The following FLNB variants were observed in gnomAD, a reference collection of about 807,000 sequenced individuals.
FLNB encodes filamin-B.
In FLNB, 111 loss-of-function variants were observed where a neutral mutation model predicts 250.6. The ratio of observed to expected loss-of-function variants is 0.44; its 90% CI spans 0.38 to 0.52. The LOEUF is 0.52. FLNB is among the 20% of genes least tolerant of loss of function. FLNB has a pLI of 0.00. For missense variants in FLNB, 2,869 were observed against 3,447.8 expected (o/e 0.83, Z 4.20); for synonymous variants, 1,302 against 1,372.1 (o/e 0.95, Z 1.13).
chr3:58,055,398 A>C (rs548552842), intron 1 of FLNB, among the ~76,000 whole-genome samples: 4 of 152,216 alleles, frequency 2.6e-5, no homozygotes, highest in Non-Finnish European at 5.9e-5. Flanking sequence ...TAAGAGGATA[A>C]CTCGTGGTGG....
intron 16 of FLNB, among the ~76,000 whole-genome samples, chr3:58,111,369 T>C (rs2097268305): frequency 6.6e-6 from 1 of 152,244 alleles, no homozygotes; most frequent in African/African-American, 2.4e-5. Flanking sequence ...CAACATTCTT[T>C]TTGAAGAATT....
At chr3:58,091,638 AT>A (rs2097227672) in intron 4 of FLNB, among the ~76,000 whole-genome samples, 1 of 151,576 alleles carries the variant, frequency 6.6e-6, no homozygotes, top group Non-Finnish European at 1.5e-5. Context: ...TTAAAAAAAA[AT>A]AAGTTGGATT....
Position 58,157,727 on chromosome 3 carries a change from C to T in FLNB, c.6888+1652C>T, listed in dbSNP as rs182564669. ...CTTTCAAATCTGCCGAGGCATTTAT[C>T]TCCCTCTTGAGGATTTAGCGGCAAG... On this transcript the variant is annotated intron_variant, in intron 41 of 45. Coordinates refer to ENST00000295956, the MANE Select transcript of FLNB (RefSeq NM_001457.4). 2.6e-5 allele frequency among the ~76,000 whole-genome samples: 4 copies of T among 152,344 alleles called. No homozygotes were observed. In the East Asian group the frequency reaches 7.7e-4, roughly 29 times the overall value.
chr3:58,089,933 C>A (rs570263583), intron 4 of FLNB, among the ~76,000 whole-genome samples: 45 of 152,118 alleles, frequency 3.0e-4, no homozygotes, highest in African/African-American at 1.1e-3. Context: ...CTTACAGGTG[C>A]CCACCACCAC....
rs575599700 is a variant in FLNB at position 58,103,941 on chromosome 3, T to A, written c.1484-18T>A. 1 of 1,613,946 alleles carries A rather than the reference T, an allele frequency of 6.2e-7. No individual in the cohort carries two copies. The highest frequency in any genetic ancestry group is 1.1e-5 in the South Asian group (1 of 91,082). On this transcript the variant is annotated intron_variant, in intron 9 of 45. Coordinates refer to ENST00000295956, the MANE Select transcript of FLNB (RefSeq NM_001457.4). ...GCCTAGGATTGTGTTGGAAAGATTA[T>A]CTCCTTCCTTCCCACAGAGGGTCTG...
rs2107224769 is a variant in FLNB at position 58,136,080 on chromosome 3, A to G, written c.4773A>G (p.Gly1591=). ...ACAAGACTGGGCGCTATATGATTGG[A>G]GTCACCTACGGGGGTGACGACATCC... ...IPDKTGRYMI[G]VTYGGDDIPL... Residue 1591 remains glycine (G), a synonymous_variant, in exon 28 of 46, where the codon GGA becomes GGG. Transcript: ENST00000295956. 1 of 1,614,186 alleles carries G rather than the reference A, an allele frequency of 6.2e-7. No individual in the cohort carries two copies. The highest frequency in any genetic ancestry group is 8.5e-7 in the Non-Finnish European group (1 of 1,180,014).
intron 1 of FLNB, among the ~76,000 whole-genome samples, chr3:58,034,012 C>T (rs1023815323): frequency 1.3e-5 from 2 of 151,784 alleles, no homozygotes; most frequent in African/African-American, 4.8e-5. Flanking sequence ...AGGCATTTGC[C>T]ACCACACCTG....
chr3:58,154,692 C>A (rs2097350662), intron 39 of FLNB, 99 bp from the exon 40 acceptor site: 8 of 1,308,244 alleles, frequency 6.1e-6, no homozygotes, highest in Non-Finnish European at 8.8e-6. Flanking sequence ...AAAGGGCTAG[C>A]AACAGACGAA....
intron 16 of FLNB, among the ~76,000 whole-genome samples, chr3:58,110,863 A>G (rs2097267440): frequency 6.6e-6 from 1 of 152,054 alleles, no homozygotes; most frequent in African/African-American, 2.4e-5. Flanking sequence ...GAGCCACCAC[A>G]TTTGGCCTCC....
chr3:58,089,195 A>T (rs1292739059), intron 4 of FLNB, among the ~76,000 whole-genome samples: 1 of 152,186 alleles, frequency 6.6e-6, no homozygotes, highest in Non-Finnish European at 1.5e-5. Context: ...CACTGAGGTG[A>T]TAGAGATGTT....
intron 25 of FLNB, chr3:58,132,074 C>T (rs2097308407): frequency 8.1e-7 from 1 of 1,228,164 alleles, no homozygotes; most frequent in South Asian, 1.3e-5. Flanking sequence ...TCTTGCTGGC[C>T]TCACTTCTAA....
At chr3:58,159,403 C>G in intron 41 of FLNB, 151 bp from the exon 42 acceptor site, 1 of 753,436 alleles carries the variant, frequency 1.3e-6, no homozygotes, top group Non-Finnish European at 2.3e-6. Context: ...ATTAAAAATG[C>G]AGAATGGCTC....
At chr3:58,055,818 G>A (rs1304517391) in intron 1 of FLNB, among the ~76,000 whole-genome samples, 1 of 152,098 alleles carries the variant, frequency 6.6e-6, no homozygotes, top group Non-Finnish European at 1.5e-5. Flanking sequence ...TATTGAAATA[G>A]ATATCAGAAA....
intron 33 of FLNB, among the ~76,000 whole-genome samples, chr3:58,146,377 C>T (rs548581896): frequency 1.8e-4 from 27 of 152,320 alleles, no homozygotes; most frequent in African/African-American, 6.5e-4. Context: ...TACTGAGTGG[C>T]TCTTTTTGAT....
chr3:58,010,358 C>T (rs1440965253), intron 1 of FLNB, among the ~76,000 whole-genome samples: 3 of 152,206 alleles, frequency 2.0e-5, no homozygotes, highest in Non-Finnish European at 4.4e-5. Context: ...GGGCCTCACC[C>T]TTCCCTTCCC....
intron 1 of FLNB, among the ~76,000 whole-genome samples, chr3:58,038,596 T>A (rs1411093118): frequency 1.4e-5 from 2 of 138,344 alleles, no homozygotes; most frequent in Non-Finnish European, 3.1e-5. Context: ...AGTTAATTAA[T>A]TTTTTTTTTT....
chr3:58,008,472 C>T lies in FLNB; in HGVS notation c.-93C>T, dbSNP rs923194096. On this transcript the variant is annotated 5_prime_UTR_variant, in exon 1 of 46. Transcript: ENST00000295956. ...TAGCAGCAAGTTCGAACCCCGCTCC[C>T]GCTCCGCTTCGGTTCTCGCTCCTTC... 3 of 1,441,364 alleles carry T rather than the reference C, an allele frequency of 2.1e-6. No homozygotes were observed. In the African/African-American group the frequency reaches 4.2e-5, roughly 20 times the overall value. 89.3% of individuals were successfully genotyped at this position (1,441,364 alleles called of 1,614,324 possible).
intron 1 of FLNB, among the ~76,000 whole-genome samples, chr3:58,045,999 C>CAAAAAAAAAAAA (rs34327981): frequency 1.4e-5 from 1 of 68,972 alleles, no homozygotes; most frequent in African/African-American, 5.4e-5. Flanking sequence ...ACTCCGTCTC[C>CAAAAAAAAAAAA]AAAAAAAAAA....
At chr3:58,109,082 C>T (rs946633150) in intron 13 of FLNB, 97 bp from the exon 14 acceptor site, 22 of 1,453,054 alleles carry the variant, frequency 1.5e-5, no homozygotes, top group African/African-American at 2.8e-5. Flanking sequence ...GTTGTATAAG[C>T]AAGTGGTGAC....
Sources: gnomAD v4.1 joint callset for allele counts (sites outside exome capture counted in the v4.1 genomes callset) on GRCh38, gnomAD v4.1.1 for gene constraint, MANE v1.5 for transcripts, NCBI Gene and HGNC (gene_info 2026-07-23, HGNC 2026-07-21) for gene names.